RIMS1: variants seen among roughly 807,000 people sequenced by gnomAD.
RIMS1 encodes regulating synaptic membrane exocytosis 1, also known as regulating synaptic membrane exocytosis protein 1.
In RIMS1, 83 loss-of-function variants were observed where a neutral mutation model predicts 214.1. The ratio of observed to expected loss-of-function variants is 0.39; its 90% confidence interval spans 0.32 to 0.47. The LOEUF (loss-of-function observed/expected upper bound fraction) is 0.47, where lower values mean the gene tolerates loss of function less well. Among genes scored for constraint, RIMS1 ranks in the 20% least tolerant of loss-of-function variants. RIMS1 has a pLI of 0.99. For missense variants in RIMS1, 2,050 were observed against 2,161.8 expected, an observed-to-expected ratio of 0.95 and a Z score of 1.03; for synonymous variants, 793 against 786.8, an observed-to-expected ratio of 1.01 and a Z score of -0.13.
chr6:72,351,443 T>C (rs895759779), intron 29 of RIMS1, among the ~76,000 whole-genome samples: 10 of 152,190 alleles, frequency 6.6e-5, no homozygotes, highest in African/African-American at 2.4e-4. Flanking sequence ...CAGCCCATAT[T>C]ATGTAAACTG....
chr6:72,098,821 C>T (rs543417336), intron 3 of RIMS1, among the ~76,000 whole-genome samples: 2 of 152,082 alleles, frequency 1.3e-5, no homozygotes, highest in South Asian at 4.2e-4. Context: ...TTTTCTTTTC[C>T]TCTCCTAATA....
At chr6:72,018,071 T>A (rs1252392377) in intron 2 of RIMS1, among the ~76,000 whole-genome samples, 2 of 151,882 alleles carry the variant, frequency 1.3e-5, no homozygotes, top group African/African-American at 2.4e-5. Context: ...TGAGGTACCT[T>A]TGAACCATAT....
intron 26 of RIMS1, among the ~76,000 whole-genome samples, chr6:72,297,125 G>A (rs1289488402): frequency 1.3e-5 from 2 of 151,712 alleles, no homozygotes; most frequent in African/African-American, 2.4e-5. Context: ...TTCTGGCATA[G>A]TGTCTGATAT....
In RIMS1 at chr6:72,161,989, G is replaced by T. The variant is rs1333860586; in HGVS notation, c.472-17586G>T. Among the ~76,000 whole-genome samples the T allele has an allele frequency of 4.3e-5, 6 of 140,580 alleles. 1 individual carries two copies. The highest frequency in any genetic ancestry group is 8.1e-5 in the Non-Finnish European group (5 of 61,914). 92.2% of individuals were successfully genotyped at this position (140,580 alleles called of 152,430 possible). ...ACCTGTCAATTGTTGATAGTGGGGT[G>T]TTAAATCTCCCATTATTATTGTATG... On this transcript the variant is annotated intron_variant, in intron 4 of 33. Transcript: ENST00000521978.
At chr6:72,263,234 GT>G in intron 19 of RIMS1, 1 of 984,822 alleles carries the variant, frequency 1.0e-6, no homozygotes, top group African/African-American at 1.7e-5. Context: ...TGTATGTTTA[GT>G]TTCTTTTCTC....
At chr6:71,982,717 C>T (rs767294171) in intron 2 of RIMS1, among the ~76,000 whole-genome samples, 1 of 152,096 alleles carries the variant, frequency 6.6e-6, no homozygotes, top group Non-Finnish European at 1.5e-5. Context: ...TCAGTTCTCA[C>T]TCCCATCCTC....
At chr6:72,176,018 C>G (rs1281261645) in intron 4 of RIMS1, among the ~76,000 whole-genome samples, 1 of 152,100 alleles carries the variant, frequency 6.6e-6, no homozygotes, top group Non-Finnish European at 1.5e-5. Context: ...AATTTTCAGT[C>G]CTGCATATTT....
At chr6:71,913,802 C>T (rs1200826987) in intron 1 of RIMS1, among the ~76,000 whole-genome samples, 4 of 152,088 alleles carry the variant, frequency 2.6e-5, no homozygotes, top group East Asian at 3.9e-4. Context: ...CTTCTCTCTC[C>T]TCAACTCCTG....
At chr6:72,384,244 C>T (rs528142770) in intron 29 of RIMS1, among the ~76,000 whole-genome samples, 5 of 152,264 alleles carry the variant, frequency 3.3e-5, no homozygotes, top group Non-Finnish European at 7.4e-5. Context: ...GGACAACCTC[C>T]CCTAATACTG....
intron 23 of RIMS1, among the ~76,000 whole-genome samples, chr6:72,277,159 A>G (rs779478435): frequency 2.6e-5 from 4 of 152,226 alleles, no homozygotes; most frequent in African/African-American, 9.6e-5. Context: ...CCCACAGCAT[A>G]TATGTGTACA....
chr6:72,294,349 C>G (rs2093809351), intron 26 of RIMS1, among the ~76,000 whole-genome samples: 1 of 151,680 alleles, frequency 6.6e-6, no homozygotes, highest in Admixed American at 6.6e-5. Flanking sequence ...AGTTCCATCT[C>G]CCATGAAGAT....
chr6:72,032,938 G>C (rs1818559680), intron 2 of RIMS1, among the ~76,000 whole-genome samples: 2 of 152,156 alleles, frequency 1.3e-5, no homozygotes, highest in African/African-American at 4.8e-5. Flanking sequence ...AAAAGTACCA[G>C]GGAGTTCTAA....
chr6:72,244,588 A>G (rs561520923), intron 10 of RIMS1, among the ~76,000 whole-genome samples: 2 of 151,992 alleles, frequency 1.3e-5, no homozygotes, highest in Non-Finnish European at 3.0e-5. Context: ...TTTAGAAGAA[A>G]GTAGCAGAAT....
At chr6:72,292,416 A>G (rs9446616) in intron 26 of RIMS1, among the ~76,000 whole-genome samples, 2,910 of 152,302 alleles carry the variant, frequency 0.019, 121 homozygotes, top group African/African-American at 0.067. Context: ...TAAAAATTAA[A>G]CACTTAATCA....
chr6:72,345,628 A>G (rs555985039), intron 29 of RIMS1, among the ~76,000 whole-genome samples: 6 of 151,940 alleles, frequency 3.9e-5, no homozygotes, highest in East Asian at 1.9e-4. Flanking sequence ...TTAAACAAGC[A>G]TAGATTTATA....
At chr6:72,196,507 G>A (rs2050956869) in intron 6 of RIMS1, among the ~76,000 whole-genome samples, 1 of 142,434 alleles carries the variant, frequency 7.0e-6, no homozygotes, top group South Asian at 2.3e-4. Flanking sequence ...TTTAAAAATT[G>A]TAACCTTAAA....
At chr6:71,955,581 G>C (rs1242182952) in intron 1 of RIMS1, among the ~76,000 whole-genome samples, 2 of 152,064 alleles carry the variant, frequency 1.3e-5, no homozygotes, top group Admixed American at 6.6e-5. Context: ...CTGATTTATA[G>C]TAATTCTTTA....
chr6:71,915,557 C>A (rs1283595463), intron 1 of RIMS1, among the ~76,000 whole-genome samples: 1 of 152,094 alleles, frequency 6.6e-6, no homozygotes, highest in Non-Finnish European at 1.5e-5. Flanking sequence ...TCACATATAA[C>A]AAATATGGCT....
intron 28 of RIMS1, among the ~76,000 whole-genome samples, chr6:72,330,874 A>G (rs529757762): frequency 6.6e-6 from 1 of 151,704 alleles, no homozygotes; most frequent in East Asian, 1.9e-4. Context: ...GAATATTATA[A>G]TATTATAGAC....
Sources: allele counts gnomAD v4.1 joint callset (sites outside exome capture counted in the v4.1 genomes callset), GRCh38; gene constraint gnomAD v4.1.1; transcripts MANE v1.5; gene names NCBI Gene and HGNC (gene_info 2026-07-23, HGNC 2026-07-21).